ARHGEF38: variants seen among roughly 807,000 people sequenced by gnomAD.
The protein encoded by ARHGEF38 is Rho guanine nucleotide exchange factor 38, also known as Rho guanine nucleotide exchange factor (GEF) 38.
ARHGEF38 carries 79 observed loss-of-function variants against 79.9 expected under a neutral mutation model. The ratio of observed to expected loss-of-function variants is 0.99; its 90% CI spans 0.82 to 1.19. The LOEUF (loss-of-function observed/expected upper bound fraction) is 1.19. Among genes scored for constraint, ARHGEF38 ranks in the 50% most tolerant of loss-of-function variants. The pLI is 0.00. For synonymous variants in ARHGEF38, 366 were observed against 328.3 expected, an observed-to-expected ratio of 1.11 and a Z score of -1.24; for missense variants, 962 against 907.2, an observed-to-expected ratio of 1.06 and a Z score of -0.78.
At chr4:105,676,782 TAAA>T (rs1458839089) in intron 13 of ARHGEF38, among the ~76,000 whole-genome samples, 1 of 152,008 alleles carries the variant, frequency 6.6e-6, no homozygotes, top group Admixed American at 6.6e-5. Context: ...GTTTGGGAAA[TAAA>T]GAAGGGAACA....
At chr4:105,621,184 C>T (rs909304154) in intron 3 of ARHGEF38, among the ~76,000 whole-genome samples, 7 of 152,094 alleles carry the variant, frequency 4.6e-5, no homozygotes, top group African/African-American at 1.7e-4. Context: ...TCAAGTGTAG[C>T]AAAAGAACCA....
intron 5 of ARHGEF38, among the ~76,000 whole-genome samples, chr4:105,638,795 T>G (rs1247106562): frequency 6.6e-6 from 1 of 152,172 alleles, no homozygotes; most frequent in Non-Finnish European, 1.5e-5. Flanking sequence ...CCACATTGTT[T>G]TATACTTGCA....
intron 10 of ARHGEF38, among the ~76,000 whole-genome samples, chr4:105,660,457 G>A (rs1433952543): frequency 6.6e-6 from 1 of 150,582 alleles, no homozygotes; most frequent in Non-Finnish European, 1.5e-5. Context: ...TTGGTGGGGG[G>A]GGATGGAGTT....
intron 3 of ARHGEF38, among the ~76,000 whole-genome samples, chr4:105,620,561 A>G (rs1728697337): frequency 6.6e-6 from 1 of 152,352 alleles, no homozygotes; most frequent in Admixed American, 6.5e-5. Context: ...TAACAAGTGA[A>G]TAAAATGTGA....
At chr4:105,614,847 G>GCTCATTTCT (rs1728448786) in intron 3 of ARHGEF38, among the ~76,000 whole-genome samples, 1 of 152,106 alleles carries the variant, frequency 6.6e-6, no homozygotes, top group Non-Finnish European at 1.5e-5. Flanking sequence ...AGGTGAAAGG[G>GCTCATTTCT]CTCATTTCTC....
At chr4:105,572,972 T>C (rs1466468504) in intron 1 of ARHGEF38, among the ~76,000 whole-genome samples, 1 of 152,198 alleles carries the variant, frequency 6.6e-6, no homozygotes, top group Admixed American at 6.5e-5. Context: ...ATGATTTGCT[T>C]TTCCCTCATG....
chr4:105,679,260 AT>A lies in ARHGEF38; in HGVS notation c.*1326del, dbSNP rs1731227085. 1.5e-6 allele frequency: 1 copy of A among 684,296 alleles called. No homozygotes were observed. The highest frequency in any genetic ancestry group is 2.5e-5 in the East Asian group (1 of 39,428). The allele number at this position is 684,296 out of a possible 1,614,324, so 42.4% of individuals were successfully genotyped here. A position where few individuals can be genotyped will look rare whatever the true frequency, so the allele number is the denominator to read the frequency against. ...TCATAATATTCTTTAATTTCAGGTA[AT>A]TTAGCTGGCACTGAGAGTATCCAGC... On this transcript the variant is annotated 3_prime_UTR_variant, in exon 14 of 14. Transcript: ENST00000420470.
chr4:105,667,078 G>C, intron 11 of ARHGEF38, 51 bp from the exon 12 acceptor site: 1 of 1,400,652 alleles, frequency 7.1e-7, no homozygotes, highest in Non-Finnish European at 9.5e-7. Context: ...AACTCCATGA[G>C]GATTTTATTA....
intron 3 of ARHGEF38, among the ~76,000 whole-genome samples, chr4:105,624,634 T>C (rs1728869071): frequency 6.6e-6 from 1 of 152,210 alleles, no homozygotes. Flanking sequence ...GTTTCTTTCT[T>C]CTCACTTCCT....
Position 105,603,717 on chromosome 4 carries a change from G to T in ARHGEF38, c.385-9667G>T, listed in dbSNP as rs543436812. Among the ~76,000 whole-genome samples the T allele has an allele frequency of 5.3e-5, 8 of 152,214 alleles. No homozygotes were observed. In the South Asian group the frequency reaches 1.0e-3, roughly 20 times the overall value. On this transcript the variant is annotated intron_variant, in intron 2 of 13. Coordinates refer to ENST00000420470, the MANE Select transcript of ARHGEF38 (RefSeq NM_001242729.2). The stretch of plus-strand genomic sequence containing the variant: ...TCCACACCTCACAGTGTCTGCAGCT[G>T]GTCCATAGGAAGCATTCAAGCATCC...
chr4:105,649,218 TAGTG>T lies in ARHGEF38; in HGVS notation c.1008+540_1008+543del, dbSNP rs563929951. Among the ~76,000 whole-genome samples the T allele has an allele frequency of 3.0e-4, 45 of 152,314 alleles. No individual in the cohort carries two copies. In the South Asian group the frequency reaches 8.9e-3, roughly 30 times the overall value. On this transcript the variant is annotated intron_variant, in intron 7 of 13. Transcript: ENST00000420470. ...CTCACTCCCCAGATGCACATTATATTAGTGAGTAACAGTCCTGTGTCAGCTGTTT... is the reference window on the plus strand; with the variant it reads ...CTCACTCCCCAGATGCACATTATATTAGTAACAGTCCTGTGTCAGCTGTTT...
intron 1 of ARHGEF38, among the ~76,000 whole-genome samples, chr4:105,559,110 T>C (rs1725394397): frequency 6.6e-6 from 1 of 152,084 alleles, no homozygotes; most frequent in African/African-American, 2.4e-5. Flanking sequence ...CATATTAGCA[T>C]CAGTACCTTT....
In ARHGEF38 at chr4:105,679,832, T is replaced by C; in HGVS notation, c.*1895T>C. On this transcript the variant is annotated 3_prime_UTR_variant, in exon 14 of 14. Coordinates refer to ENST00000420470, the MANE Select transcript of ARHGEF38 (RefSeq NM_001242729.2). ...AGAGAGATGGATATAGGACTCAATA[T>C]CCTGAGGAGGAGAACTTTGAATCAC... The C allele has an allele frequency of 7.5e-7, 1 of 1,333,284 alleles. No homozygotes were observed. Among genetic ancestry groups the C allele is most frequent in the Non-Finnish European group, 1.1e-6 (1 of 929,814 alleles). The allele number at this position is 1,333,284 out of a possible 1,614,324, so 82.6% of individuals were successfully genotyped here. A position where few individuals can be genotyped will look rare whatever the true frequency, so the allele number is the denominator to read the frequency against.
intron 1 of ARHGEF38, among the ~76,000 whole-genome samples, chr4:105,585,726 C>CTTGTTTTTT (rs1727003415): frequency 1.4e-5 from 1 of 71,504 alleles, no homozygotes; most frequent in Non-Finnish European, 2.4e-5. Flanking sequence ...CCCTCCGTTG[C>CTTGTTTTTT]TTTTTTTTTT....
In ARHGEF38 at chr4:105,667,453, G is replaced by T. The variant is rs960583351; in HGVS notation, c.1898G>T (p.Gly633Val). 37 of 1,536,030 alleles carry T rather than the reference G, an allele frequency of 2.4e-5. No individual in the cohort carries two copies. In the Admixed American group the frequency reaches 6.9e-4, roughly 29 times the overall value. Reference protein sequence around the residue: ...RWLVDTGNVKGYVYSSFLKPY... With the variant: ...RWLVDTGNVKVYVYSSFLKPY... The stretch of plus-strand genomic sequence containing the variant: ...TTTATTTCCTATCCAGATGTGAAAG[G>T]ATATGTTTATTCCTCCTTCCTAAAA... The change falls in exon 13 of 14, where the codon GGA (glycine) becomes GTA (valine). Residue 633 changes from glycine (G) to valine (V), a missense_variant. Gly to Val is a moderately radical substitution (Grantham distance 109). Coordinates refer to ENST00000420470, the MANE Select transcript of ARHGEF38 (RefSeq NM_001242729.2).
chr4:105,582,196 C>T (rs574641238), intron 1 of ARHGEF38, among the ~76,000 whole-genome samples: 6 of 148,936 alleles, frequency 4.0e-5, no homozygotes, highest in Admixed American at 2.0e-4. Flanking sequence ...GTATTCCTTG[C>T]AATGTAGCTG....
chr4:105,679,749 C>A lies in ARHGEF38; in HGVS notation c.*1812C>A. On this transcript the variant is annotated 3_prime_UTR_variant, in exon 14 of 14. Coordinates refer to ENST00000420470, the MANE Select transcript of ARHGEF38 (RefSeq NM_001242729.2). ...GTTCCACATGTCTTAGTTGACCTTTCTCTTGGTTGATAAAAACATATACAA... is the reference window on the plus strand; with the variant it reads ...GTTCCACATGTCTTAGTTGACCTTTATCTTGGTTGATAAAAACATATACAA... The A allele has an allele frequency of 1.1e-6, 1 of 879,440 alleles. No individual in the cohort carries two copies. The allele number at this position is 879,440 out of a possible 1,614,324, so 54.5% of individuals were successfully genotyped here.
At chr4:105,634,191 C>T (rs1352805809) in intron 4 of ARHGEF38, among the ~76,000 whole-genome samples, 1 of 152,136 alleles carries the variant, frequency 6.6e-6, no homozygotes, top group Non-Finnish European at 1.5e-5. Context: ...TCCATACACA[C>T]TCAAGTTAAG....
At chr4:105,620,936 T>A (rs1441027257) in intron 3 of ARHGEF38, among the ~76,000 whole-genome samples, 1 of 152,194 alleles carries the variant, frequency 6.6e-6, no homozygotes, top group Admixed American at 6.5e-5. Context: ...GCCTGACAAT[T>A]TCTACTTTCA....
Sources: allele counts gnomAD v4.1 joint callset (sites outside exome capture counted in the v4.1 genomes callset), GRCh38; gene constraint gnomAD v4.1.1; transcripts MANE v1.5; gene names NCBI Gene and HGNC (gene_info 2026-07-23, HGNC 2026-07-21).